NRG1: variants seen among roughly 807,000 people sequenced by gnomAD.
NRG1 encodes the protein pro-neuregulin-1, membrane-bound isoform.
Under a neutral mutation model 63.8 loss-of-function variants are expected in NRG1, and 18 were observed. That is an observed-to-expected ratio of 0.28 (90% CI 0.19 to 0.42). NRG1 has a LOEUF of 0.42. Ranked by LOEUF, NRG1 falls within the 10% of genes least tolerant of loss-of-function variation. The pLI is 1.00. For missense variants in NRG1, 762 were observed against 814.7 expected (o/e 0.94, Z 0.79); for synonymous variants, 302 against 301.3 (o/e 1.00, Z -0.02).
At chr8:32,341,648 T>C (rs938183257) in intron 1 of NRG1, among the ~76,000 whole-genome samples, 28 of 152,272 alleles carry the variant, frequency 1.8e-4, no homozygotes, top group African/African-American at 6.3e-4. Context: ...GCTGATCTCA[T>C]TTGTTTGTTT....
upstream of NRG1, among the ~76,000 whole-genome samples, chr8:32,547,468 G>GT (rs1262665430): frequency 6.6e-6 from 1 of 152,096 alleles, no homozygotes; most frequent in African/African-American, 2.4e-5. Flanking sequence ...TCCGAACTAT[G>GT]TTTTTTATCA....
At chr8:32,230,420 TC>T (rs1205575765) in intron 1 of NRG1, among the ~76,000 whole-genome samples, 1 of 152,178 alleles carries the variant, frequency 6.6e-6, no homozygotes, top group African/African-American at 2.4e-5. Flanking sequence ...CCTGCACTTC[TC>T]AGGCTACTGC....
downstream of NRG1, among the ~76,000 whole-genome samples, chr8:32,771,926 G>A (rs1831833149): frequency 6.8e-6 from 1 of 146,886 alleles, no homozygotes; most frequent in Non-Finnish European, 1.5e-5. Context: ...GGGAGGCTGA[G>A]GCAGGAGAAT....
At chr8:31,650,771 TC>T (rs58244867) in intron 1 of NRG1, among the ~76,000 whole-genome samples, 44,548 of 151,986 alleles carry the variant, frequency 0.29, 7,041 homozygotes, top group African/African-American at 0.4. Context: ...CCAACACTAT[TC>T]TTGTGTTTGG....
chr8:31,855,153 T>A (rs1317281133), intron 1 of NRG1, among the ~76,000 whole-genome samples: 1 of 152,114 alleles, frequency 6.6e-6, no homozygotes, highest in East Asian at 1.9e-4. Flanking sequence ...CTGAGTTCAA[T>A]TCCTGGGTAT....
chr8:32,339,070 A>C (rs1400198256), intron 1 of NRG1, among the ~76,000 whole-genome samples: 3 of 152,154 alleles, frequency 2.0e-5, no homozygotes, highest in Non-Finnish European at 2.9e-5. Flanking sequence ...TGGCCCCTAC[A>C]AAATTGTCAC....
At chr8:32,312,453 G>A (rs538010155) in intron 1 of NRG1, among the ~76,000 whole-genome samples, 48 of 150,164 alleles carry the variant, frequency 3.2e-4, no homozygotes, top group African/African-American at 1.1e-3. Flanking sequence ...GGGATTACAG[G>A]CATGAGCCAC....
At chr8:32,684,912 TA>T (rs1809683789) in intron 5 of NRG1, among the ~76,000 whole-genome samples, 1 of 152,142 alleles carries the variant, frequency 6.6e-6, no homozygotes, top group Non-Finnish European at 1.5e-5. Context: ...AATTTAAATA[TA>T]TTTTTAACTG....
At chr8:32,184,708 G>C (rs1487154519) in intron 1 of NRG1, among the ~76,000 whole-genome samples, 2 of 152,062 alleles carry the variant, frequency 1.3e-5, no homozygotes, top group East Asian at 3.9e-4. Flanking sequence ...GGTTAGAGCT[G>C]TTCCATTATA....
In NRG1 at chr8:31,868,262, A is replaced by G. The variant is rs117725857; in HGVS notation, c.37+228831A>G. Among the ~76,000 whole-genome samples the G allele has an allele frequency of 4.1e-3, 621 of 152,116 alleles. 21 individuals are homozygous for G. In the East Asian group the frequency reaches 0.072, roughly 18 times the overall value. On this transcript the variant is annotated intron_variant, in intron 1 of 10. Coordinates refer to the NRG1 transcript ENST00000519301. ...CTGAGATTAGAACCCAGGAACTCCT[A>G]AGATTCCTTGGTTTTGTATCAAAGG... is the stretch of plus-strand genomic sequence containing the variant.
At chr8:32,436,766 C>T (rs1391955487) in intron 1 of NRG1, among the ~76,000 whole-genome samples, 2 of 152,064 alleles carry the variant, frequency 1.3e-5, no homozygotes, top group African/African-American at 4.8e-5. Context: ...TTGCTTGAAG[C>T]TTCTGGTTAC....
In NRG1 at chr8:32,337,682, A is replaced by AAAAAAAAAAAAAAAAAAT. The variant is rs1554511693; in HGVS notation, c.38-258146_38-258145insAAAAAAAAAAAAAAAAAT. 3.8e-4 allele frequency among the ~76,000 whole-genome samples: 44 copies of AAAAAAAAAAAAAAAAAAT among 116,696 alleles called. 1 individual carries two copies. Among genetic ancestry groups the AAAAAAAAAAAAAAAAAAT allele is most frequent in the Non-Finnish European group, 7.6e-4 (40 of 52,588 alleles). The allele number at this position is 116,696 out of a possible 152,430, so 76.6% of individuals were successfully genotyped here. ...AAAAAAAAAAAAAAAAAAAAAAAAA[A>AAAAAAAAAAAAAAAAAAT]GCTGATGCAGTTAGGAAAGGGAAGC... is the stretch of plus-strand genomic sequence containing the variant. On this transcript the variant is annotated intron_variant, in intron 1 of 10. Transcript: ENST00000519301.
At chr8:31,709,172 T>C (rs1811480977) in intron 1 of NRG1, among the ~76,000 whole-genome samples, 1 of 151,716 alleles carries the variant, frequency 6.6e-6, no homozygotes, top group South Asian at 2.1e-4. Context: ...ATTTTTTATT[T>C]AATCAAATGA....
chr8:32,076,473 A>C (rs1270097919), intron 1 of NRG1, among the ~76,000 whole-genome samples: 1 of 152,110 alleles, frequency 6.6e-6, no homozygotes, highest in African/African-American at 2.4e-5. Flanking sequence ...GTTCACGTTG[A>C]GTGTTTGTAT....
intron 1 of NRG1, among the ~76,000 whole-genome samples, chr8:32,268,638 G>C (rs1229067385): frequency 6.6e-6 from 1 of 151,864 alleles, no homozygotes; most frequent in African/African-American, 2.4e-5. Context: ...TGACACAGGG[G>C]GTTGTTTATA....
At chr8:31,761,932 C>A (rs548151343) in intron 1 of NRG1, among the ~76,000 whole-genome samples, 1 of 152,052 alleles carries the variant, frequency 6.6e-6, no homozygotes, top group East Asian at 1.9e-4. Flanking sequence ...AATGAGGTAG[C>A]TTCTATGTCC....
intron 1 of NRG1, among the ~76,000 whole-genome samples, chr8:31,755,052 G>A (rs1242531928): frequency 2.0e-5 from 3 of 151,988 alleles, no homozygotes; most frequent in Non-Finnish European, 4.4e-5. Context: ...TCCTGGAGTT[G>A]CACTCTGCCT....
chr8:32,281,177 G>GT (rs1264654363), intron 1 of NRG1, among the ~76,000 whole-genome samples: 1 of 50,446 alleles, frequency 2.0e-5, no homozygotes, highest in African/African-American at 1.2e-4. Flanking sequence ...CCAATAGGTA[G>GT]TTTTTCCTTT....
chr8:31,973,310 A>G (rs1807604949), intron 1 of NRG1, among the ~76,000 whole-genome samples: 2 of 152,176 alleles, frequency 1.3e-5, no homozygotes, highest in Admixed American at 6.5e-5. Flanking sequence ...TTGTCATTAG[A>G]TATCTTGTAG....
Sources: gnomAD v4.1 joint callset for allele counts (sites outside exome capture counted in the v4.1 genomes callset) on GRCh38, gnomAD v4.1.1 for gene constraint, MANE v1.5 for transcripts, NCBI Gene and HGNC (gene_info 2026-07-23, HGNC 2026-07-21) for gene names.